The following NSD2 variants were observed in gnomAD, a reference collection of about 807,000 sequenced individuals.
NSD2 encodes histone-lysine N-methyltransferase NSD2.
NSD2 carries 12 observed loss-of-function variants against 139.0 expected under a neutral mutation model. That is an observed-to-expected ratio of 0.09 (90% CI 0.06 to 0.14). The LOEUF is 0.14. Among genes scored for constraint, NSD2 ranks in the 10% least tolerant of loss-of-function variants. The pLI is 1.00. For missense variants in NSD2, 1,155 were observed against 1,745.0 expected, an observed-to-expected ratio of 0.66 and a Z score of 6.02; for synonymous variants, 669 against 648.7, an observed-to-expected ratio of 1.03 and a Z score of -0.48.
rs1331050809 is a variant in NSD2 at position 1,976,047 on chromosome 4, G to A, written c.3622-428G>A. 6.6e-6 allele frequency among the ~76,000 whole-genome samples: 1 copy of A among 152,170 alleles called. No individual in the cohort carries two copies. Among genetic ancestry groups the A allele is most frequent in the East Asian group, 1.9e-4 (1 of 5,196 alleles). On this transcript the variant is annotated intron_variant, in intron 20 of 21. Coordinates refer to ENST00000508803, the MANE Select transcript of NSD2 (RefSeq NM_001042424.3). This position sits in a 1 kb window ranked among gnomAD's most constrained non-coding sequence, Gnocchi z 5.3. ...TGAGCCGGTGTCTGTCCTCAGCCGT[G>A]TTGCTGAGGATGGTCACTGCCCTCA...
At chr4:1,884,110 G>A (rs1410562247) in intron 1 of NSD2, among the ~76,000 whole-genome samples, 1 of 151,936 alleles carries the variant, frequency 6.6e-6, no homozygotes, top group African/African-American at 2.4e-5. Context: ...TTTTTGTCGG[G>A]GAGGAGATGG....
intron 5 of NSD2, among the ~76,000 whole-genome samples, chr4:1,922,142 G>A (rs1019568566): frequency 4.6e-5 from 7 of 152,136 alleles, no homozygotes; most frequent in African/African-American, 9.7e-5. Flanking sequence ...ATGAGTCTTC[G>A]TCTCCAAGAA....
chr4:1,935,072 G>A, intron 6 of NSD2, 72 bp from the exon 7 acceptor site: 1 of 1,217,436 alleles, frequency 8.2e-7, no homozygotes. Context: ...GCCCTGGGTA[G>A]GTTCTCACAG....
At chr4:1,933,813 C>A (rs1441803261) in intron 6 of NSD2, among the ~76,000 whole-genome samples, 2 of 152,222 alleles carry the variant, frequency 1.3e-5, no homozygotes, top group East Asian at 3.9e-4. Context: ...TGAAATTAAT[C>A]ATCTCTGTAG....
At chr4:1,941,139 T>C in intron 9 of NSD2, 1 of 1,054,360 alleles carries the variant, frequency 9.5e-7, no homozygotes, top group South Asian at 4.6e-5. Context: ...TTTTTCCTTT[T>C]TCCTTTCTTT....
chr4:1,928,305 C>T (rs935293278), intron 5 of NSD2, among the ~76,000 whole-genome samples: 1 of 152,100 alleles, frequency 6.6e-6, no homozygotes, highest in Non-Finnish European at 1.5e-5. Context: ...ATCTAGTACT[C>T]CTCAGAATCA....
chr4:1,945,808 T>C lies in NSD2; in HGVS notation c.1882-5264T>C, dbSNP rs1723569352. 3.8e-6 allele frequency: 4 copies of C among 1,064,032 alleles called. No homozygotes were observed. The African/African-American group carries it at 6.6e-5, about 17-fold the overall frequency. The allele number at this position is 1,064,032 out of a possible 1,614,324, so 65.9% of individuals were successfully genotyped here. On this transcript the variant is annotated intron_variant, in intron 9 of 21. Transcript: ENST00000508803. Reference sequence around the variant, plus strand: ...GCATGGAGGGCTGTAAAGCCACGGATTCCCCTCGCTGGAGAGGCTCCTGTC... The same window carrying C: ...GCATGGAGGGCTGTAAAGCCACGGACTCCCCTCGCTGGAGAGGCTCCTGTC...
intron 18 of NSD2, among the ~76,000 whole-genome samples, chr4:1,961,986 T>C (rs1725418131): frequency 6.6e-6 from 1 of 152,226 alleles, no homozygotes; most frequent in Non-Finnish European, 1.5e-5. Flanking sequence ...AGATTAATAG[T>C]AGTGCTTGAA....
In NSD2 at chr4:1,942,159, T is replaced by C; in HGVS notation, c.1881+2381T>C. The C allele has an allele frequency of 3.9e-6, 5 of 1,296,666 alleles. No homozygotes were observed. The highest frequency in any genetic ancestry group is 4.6e-5 in the South Asian group (2 of 43,394). The allele number at this position is 1,296,666 out of a possible 1,614,324, so 80.3% of individuals were successfully genotyped here. On this transcript the variant is annotated intron_variant, in intron 9 of 21. Transcript: ENST00000508803. The surrounding 1 kb of genome is among the most constrained non-coding windows in gnomAD (Gnocchi z 4.0). ...AAAGGTATATGTGATAAATAAAAAT[T>C]TTTATTGGAATAATTATTACATGGT...
chr4:1,935,286 G>T, intron 7 of NSD2, 24 bp downstream of exon 7: 2 of 1,583,096 alleles, frequency 1.3e-6, no homozygotes, highest in South Asian at 2.2e-5. Flanking sequence ...AGGTTTGCTT[G>T]ACCTGTCAGA....
chr4:1,922,311 AT>A, intron 5 of NSD2, among the ~76,000 whole-genome samples: 1 of 152,354 alleles, frequency 6.6e-6, no homozygotes, highest in Non-Finnish European at 1.5e-5. Context: ...AGGAAATGTA[AT>A]GTTAAAAAAG....
At chr4:1,978,308 G>A (rs564543264) in intron 21 of NSD2, among the ~76,000 whole-genome samples, 20 of 152,274 alleles carry the variant, frequency 1.3e-4, no homozygotes, top group Non-Finnish European at 2.1e-4. Flanking sequence ...GAGAGGGCAG[G>A]TCACATGGAA....
chr4:1,967,519 A>G (rs1282586565), intron 18 of NSD2, among the ~76,000 whole-genome samples: 6 of 152,068 alleles, frequency 3.9e-5, no homozygotes, highest in African/African-American at 9.7e-5. Flanking sequence ...CAGAGGTTTC[A>G]GTGAGCCGAG....
chr4:1,953,143 A>G (rs1724453541), intron 11 of NSD2, 181 bp from the exon 12 acceptor site: 2 of 1,549,268 alleles, frequency 1.3e-6, no homozygotes, highest in Non-Finnish European at 1.7e-6. Flanking sequence ...GTAATCCTTG[A>G]TGGCTGGATC....
intron 18 of NSD2, among the ~76,000 whole-genome samples, chr4:1,963,418 A>C (rs1725562224): frequency 6.6e-6 from 1 of 152,184 alleles, no homozygotes; most frequent in Non-Finnish European, 1.5e-5. Flanking sequence ...AGAGGCAGCA[A>C]ATATGCTTCT....
intron 5 of NSD2, among the ~76,000 whole-genome samples, chr4:1,928,666 G>A (rs969040191): frequency 2.0e-5 from 3 of 152,050 alleles, no homozygotes; most frequent in South Asian, 2.1e-4. Flanking sequence ...CTGCTTTGAC[G>A]AAGCAGTAAA....
intron 15 of NSD2, among the ~76,000 whole-genome samples, chr4:1,957,293 T>TG (rs201854092): frequency 1.9e-3 from 293 of 151,920 alleles, no homozygotes; most frequent in African/African-American, 6.4e-3. Flanking sequence ...TTTTTGTTTT[T>TG]TTTTTTTTGA....
intron 5 of NSD2, among the ~76,000 whole-genome samples, chr4:1,927,714 T>A (rs532302978): frequency 2.2e-5 from 2 of 89,228 alleles, no homozygotes; most frequent in Admixed American, 3.6e-4. Context: ...GAGACTCTTA[T>A]CTCAGAAAAA....
In NSD2 at chr4:1,913,599, C is replaced by CCT. The variant is rs371694770; in HGVS notation, c.761-3261_761-3260dup. On this transcript the variant is annotated intron_variant, in intron 3 of 21. Transcript: ENST00000508803. ...ATAGAAGAAATAATGTAAGCTGTCC[C>CCT]CTCTCTCTCTCTGCCTCGGCTACCA... is the stretch of plus-strand genomic sequence containing the variant. 3.9e-4 allele frequency among the ~76,000 whole-genome samples: 59 copies of CCT among 150,278 alleles called. No individual in the cohort carries two copies. The South Asian group carries it at 4.0e-3, about 10-fold the overall frequency.
Sources: allele counts gnomAD v4.1 joint callset (sites outside exome capture counted in the v4.1 genomes callset), GRCh38; gene constraint gnomAD v4.1.1; non-coding constraint Gnocchi (gnomAD v3.1); transcripts MANE v1.5; gene names NCBI Gene and HGNC (gene_info 2026-07-23, HGNC 2026-07-21).